Variants in PABPC4L observed in about 807,000 individuals in gnomAD.
The protein encoded by PABPC4L is polyadenylate-binding protein 4-like.
For missense variants in PABPC4L, 452 were observed against 451.4 expected (o/e 1.00, Z -0.01); for synonymous variants, 169 against 164.1 (o/e 1.03, Z -0.23).
the PABPC4L span, among the ~76,000 whole-genome samples, chr4:134,021,057 G>T: frequency 6.6e-6 from 1 of 152,074 alleles, no homozygotes; most frequent in East Asian, 1.9e-4. Context: ...CCCAAGGCTT[G>T]TATGTCCCAG....
At chr4:134,104,333 C>T in the PABPC4L span, among the ~76,000 whole-genome samples, 5 of 151,696 alleles carry the variant, frequency 3.3e-5, 1 homozygote, top group African/African-American at 1.2e-4. Flanking sequence ...TGAACAAAGG[C>T]AGTGACTCCT....
the PABPC4L span, among the ~76,000 whole-genome samples, chr4:134,069,356 G>A: frequency 6.6e-6 from 1 of 152,074 alleles, no homozygotes; most frequent in Non-Finnish European, 1.5e-5. Context: ...TTTTGAACTT[G>A]AATGTTGATC....
chr4:134,078,248 T>A, the PABPC4L span, among the ~76,000 whole-genome samples: 3 of 152,190 alleles, frequency 2.0e-5, no homozygotes, highest in African/African-American at 7.2e-5. Flanking sequence ...AATCAAGGCA[T>A]AACATATTCC....
the PABPC4L span, among the ~76,000 whole-genome samples, chr4:133,995,683 G>A: frequency 6.6e-6 from 1 of 152,282 alleles, no homozygotes; most frequent in African/African-American, 2.4e-5. Context: ...GGTTTGGGAA[G>A]CCAAACTTAA....
the PABPC4L span, chr4:134,010,683 A>G: frequency 6.6e-6 from 1 of 152,156 alleles, no homozygotes; most frequent in Non-Finnish European, 1.5e-5. Flanking sequence ...ACAGTTGGCA[A>G]TGATAGCCTA....
chr4:134,177,454 A>G, the PABPC4L span, among the ~76,000 whole-genome samples: 1 of 152,084 alleles, frequency 6.6e-6, no homozygotes, highest in Non-Finnish European at 1.5e-5. Context: ...GATTACAGGC[A>G]TGAGCCACCG....
chr4:133,999,386 C>A, the PABPC4L span, among the ~76,000 whole-genome samples: 1 of 152,040 alleles, frequency 6.6e-6, no homozygotes, highest in Non-Finnish European at 1.5e-5. Flanking sequence ...GCAGCCCTGG[C>A]TTTGATGTAA....
chr4:134,159,783 G>C, the PABPC4L span, among the ~76,000 whole-genome samples: 1 of 152,218 alleles, frequency 6.6e-6, no homozygotes, highest in East Asian at 1.9e-4. Context: ...GTGAGACCCA[G>C]AGTGTCACCA....
At chr4:134,051,717 A>AGT in the PABPC4L span, among the ~76,000 whole-genome samples, 1 of 152,148 alleles carries the variant, frequency 6.6e-6, no homozygotes. Context: ...TGAAGTTTAG[A>AGT]TTGATTGCCA....
the PABPC4L span, among the ~76,000 whole-genome samples, chr4:134,029,883 A>G: frequency 6.6e-6 from 1 of 152,002 alleles, no homozygotes; most frequent in African/African-American, 2.4e-5. Flanking sequence ...GTGAAAGGTA[A>G]TTGAATCATG....
chr4:133,949,327 C>A, the PABPC4L span, among the ~76,000 whole-genome samples: 1 of 152,108 alleles, frequency 6.6e-6, no homozygotes, highest in Non-Finnish European at 1.5e-5. Context: ...TGGCAGGCAT[C>A]AAACTTTAGG....
rs899403744 is a variant in PABPC4L, at chr4:134,196,926, A to G, written c.*2981T>C. 4 of 151,672 alleles carry G rather than the reference A, an allele frequency of 2.6e-5. No individual in the cohort carries two copies. The highest frequency in any genetic ancestry group is 4.4e-5 in the Non-Finnish European group (3 of 67,650). 9.4% of individuals were successfully genotyped at this position (151,672 alleles called of 1,614,324 possible). A position where few individuals can be genotyped will look rare whatever the true frequency, so the allele number is the denominator to read the frequency against. On this transcript the variant is annotated 3_prime_UTR_variant, in exon 2 of 2. Transcript: ENST00000421491. ...ATCTAGACATCTGATGTTATGTCCT[A>G]TTAACTACTTACATACATGAAAGAA...
the PABPC4L span, among the ~76,000 whole-genome samples, chr4:133,963,685 G>C: frequency 9.2e-5 from 14 of 151,950 alleles, no homozygotes; most frequent in African/African-American, 2.9e-4. Flanking sequence ...AACTTCAAAG[G>C]CACCTGCAAA....
chr4:133,959,853 A>G, the PABPC4L span, among the ~76,000 whole-genome samples: 1 of 152,218 alleles, frequency 6.6e-6, no homozygotes, highest in East Asian at 1.9e-4. Flanking sequence ...TATGGTATGG[A>G]GACATATAGG....
the PABPC4L span, among the ~76,000 whole-genome samples, chr4:134,079,119 G>C: frequency 6.6e-6 from 1 of 151,072 alleles, no homozygotes; most frequent in Non-Finnish European, 1.5e-5. Flanking sequence ...CTACAGGTGT[G>C]CACCACCACG....
chr4:134,118,646 A>G, the PABPC4L span, among the ~76,000 whole-genome samples: 6 of 151,828 alleles, frequency 4.0e-5, no homozygotes, highest in African/African-American at 7.2e-5. Context: ...CTGATATTTT[A>G]TATTTTAATT....
the PABPC4L span, among the ~76,000 whole-genome samples, chr4:134,009,268 C>A: frequency 2.6e-5 from 4 of 151,852 alleles, no homozygotes; most frequent in African/African-American, 9.7e-5. Context: ...AGAATATTTT[C>A]TGTGAGTTAT....
chr4:134,160,436 T>C, the PABPC4L span, among the ~76,000 whole-genome samples: 1 of 152,118 alleles, frequency 6.6e-6, no homozygotes, highest in Non-Finnish European at 1.5e-5. Flanking sequence ...CTGAAAGAGC[T>C]GCAGTGACCA....
chr4:134,119,686 C>T, the PABPC4L span, among the ~76,000 whole-genome samples: 1 of 151,638 alleles, frequency 6.6e-6, no homozygotes, highest in Non-Finnish European at 1.5e-5. Context: ...AATGTTCAAA[C>T]ATCACCAAGT....
Sources: gnomAD v4.1 joint callset for allele counts (sites outside exome capture counted in the v4.1 genomes callset) on GRCh38, gnomAD v4.1.1 for gene constraint, MANE v1.5 for transcripts, NCBI Gene and HGNC (gene_info 2026-07-23, HGNC 2026-07-21) for gene names.